GPRIN3: variants seen among roughly 807,000 people sequenced by gnomAD.
GPRIN3 encodes GPRIN family member 3.
In GPRIN3, 12 loss-of-function variants were observed where a neutral mutation model predicts 13.7. The observed-to-expected ratio is 0.87, with a 90% CI of 0.56 to 1.42. The LOEUF (loss-of-function observed/expected upper bound fraction) is 1.42. GPRIN3 is among the 40% of genes most tolerant of loss of function. The probability of loss-of-function intolerance (pLI) is 0.00; values close to 1 mark genes in which losing one functional copy is unlikely to be tolerated. For missense variants in GPRIN3, 1,009 were observed against 958.7 expected (o/e 1.05, Z -0.69); for synonymous variants, 377 against 372.7 (o/e 1.01, Z -0.13).
At chr4:89,266,166 GAATTT>G (rs1723774138) in intron 1 of GPRIN3, among the ~76,000 whole-genome samples, 1 of 152,162 alleles carries the variant, frequency 6.6e-6, no homozygotes, top group Admixed American at 6.5e-5. Flanking sequence ...CCTTGGAATT[GAATTT>G]AAGATAGTAA....
chr4:89,270,929 A>C (rs1300437928), intron 1 of GPRIN3, among the ~76,000 whole-genome samples: 1 of 152,156 alleles, frequency 6.6e-6, no homozygotes, highest in Non-Finnish European at 1.5e-5. Context: ...AAGAGAAGAC[A>C]AACATTTCAT....
In GPRIN3 at chr4:89,242,657, C is replaced by T. The variant is rs907878026; in HGVS notation, c.*5123G>A. ...TGGGTTACAGTCAGTCTTCATAAAG[C>T]AAACCATCATTATATAATGGTGTGC... On this transcript the variant is annotated 3_prime_UTR_variant, in exon 2 of 2. Coordinates refer to ENST00000609438, the MANE Select transcript of GPRIN3 (RefSeq NM_198281.3). The T allele has an allele frequency of 2.0e-5, 3 of 152,208 alleles. No homozygotes were observed. The highest frequency in any genetic ancestry group is 7.2e-5 in the African/African-American group (3 of 41,464). The allele number at this position is 152,208 out of a possible 1,614,324, so 9.4% of individuals were successfully genotyped here.
intron 1 of GPRIN3, among the ~76,000 whole-genome samples, chr4:89,275,323 A>G (rs1012150370): frequency 1.3e-5 from 2 of 152,118 alleles, no homozygotes; most frequent in African/African-American, 4.8e-5. Context: ...CTGCGTATCT[A>G]ATTTGAAATT....
At chr4:89,271,535 T>C (rs981510099) in intron 1 of GPRIN3, among the ~76,000 whole-genome samples, 8 of 152,144 alleles carry the variant, frequency 5.3e-5, no homozygotes, top group African/African-American at 1.9e-4. Flanking sequence ...ACAATGTAAA[T>C]GCTATGTAAA....
intron 1 of GPRIN3, among the ~76,000 whole-genome samples, chr4:89,293,697 A>C (rs980869494): frequency 6.6e-6 from 1 of 152,220 alleles, no homozygotes; most frequent in Non-Finnish European, 1.5e-5. Flanking sequence ...GCTCTACTTC[A>C]AATCTAGGTT....
chr4:89,287,930 C>T (rs893231698), intron 1 of GPRIN3, among the ~76,000 whole-genome samples: 1 of 152,166 alleles, frequency 6.6e-6, no homozygotes, highest in Non-Finnish European at 1.5e-5. Flanking sequence ...AGAAAATTTG[C>T]ACTAGTTTCA....
chr4:89,270,577 A>ATATATG (rs1553951341), intron 1 of GPRIN3, among the ~76,000 whole-genome samples: 1 of 99,168 alleles, frequency 1.0e-5, no homozygotes, highest in African/African-American at 6.0e-5. Context: ...ATATATATAT[A>ATATATG]TATATATATA....
rs112502961 is a variant in GPRIN3, at chr4:89,261,881, G to C, written c.-123-11648C>G. ...ATTCTAGGACTTCGGGAGGCTGTAG[G>C]GGGGTGGATAGCCTGAGCTTAGGAG... On this transcript the variant is annotated intron_variant, in intron 1 of 1. Coordinates refer to ENST00000609438, the MANE Select transcript of GPRIN3 (RefSeq NM_198281.3). 9.6e-3 allele frequency among the ~76,000 whole-genome samples: 1,464 copies of C among 152,160 alleles called. 33 individuals are homozygous for C. The highest frequency in any genetic ancestry group is 0.034 in the African/African-American group (1,395 of 41,482).
At chr4:89,262,301 A>G (rs1399464450) in intron 1 of GPRIN3, among the ~76,000 whole-genome samples, 1 of 152,150 alleles carries the variant, frequency 6.6e-6, no homozygotes, top group Non-Finnish European at 1.5e-5. Flanking sequence ...CTTTGCTTGT[A>G]GACATATAAA....
At chr4:89,272,444 G>A (rs554597541) in intron 1 of GPRIN3, among the ~76,000 whole-genome samples, 16 of 152,252 alleles carry the variant, frequency 1.1e-4, no homozygotes, top group African/African-American at 3.9e-4. Context: ...TGGCAATCAC[G>A]ATTATCACTG....
At chr4:89,288,630 A>G (rs751269530) in intron 1 of GPRIN3, among the ~76,000 whole-genome samples, 1 of 152,196 alleles carries the variant, frequency 6.6e-6, no homozygotes, top group Non-Finnish European at 1.5e-5. Context: ...CAGAAAAACA[A>G]TATGCTCTTG....
chr4:89,249,039 G>T lies in GPRIN3; in HGVS notation c.1072C>A (p.Leu358Met). 1 of 1,614,188 alleles carries T rather than the reference G, an allele frequency of 6.2e-7. No homozygotes were observed. The highest frequency in any genetic ancestry group is 8.5e-7 in the Non-Finnish European group (1 of 1,180,030). Residue 358 changes from leucine (L) to methionine (M), a missense_variant, in exon 2 of 2, where the codon CTG becomes ATG. Coordinates refer to ENST00000609438, the MANE Select transcript of GPRIN3 (RefSeq NM_198281.3). ...RAPEHFEQEQLRVICHSSGSH... is the reference protein window; with the variant it reads ...RAPEHFEQEQMRVICHSSGSH... ...CCACTGCTGTGGCAAATGACACGCA[G>T]CTGCTCTTGTTCAAAATGCTCAGGA...
chr4:89,242,962 T>C lies in GPRIN3; in HGVS notation c.*4818A>G, dbSNP rs1433739654. ...ATTGTTTGTTGCTGCTATCTACACA[T>C]ATATACAGATGCACTGGATTTATTT... On this transcript the variant is annotated 3_prime_UTR_variant, in exon 2 of 2. Transcript: ENST00000609438. The C allele has an allele frequency of 6.6e-6, 1 of 152,208 alleles. No homozygotes were observed. Among genetic ancestry groups the C allele is most frequent in the Non-Finnish European group, 1.5e-5 (1 of 68,034 alleles). The allele number at this position is 152,208 out of a possible 1,614,324, so 9.4% of individuals were successfully genotyped here.
intron 1 of GPRIN3, among the ~76,000 whole-genome samples, chr4:89,282,739 A>G (rs1057055924): frequency 1.3e-5 from 2 of 152,122 alleles, no homozygotes; most frequent in Non-Finnish European, 2.9e-5. Context: ...ATCACTTGTC[A>G]GAAGTATGGG....
At chr4:89,279,253 C>T (rs1724177327) in intron 1 of GPRIN3, among the ~76,000 whole-genome samples, 3 of 152,142 alleles carry the variant, frequency 2.0e-5, no homozygotes, top group Admixed American at 2.0e-4. Context: ...AATTGCTCAA[C>T]TGCCTTTAAA....
intron 1 of GPRIN3, among the ~76,000 whole-genome samples, chr4:89,297,909 TG>T (rs1296742011): frequency 6.6e-6 from 1 of 152,174 alleles, no homozygotes; most frequent in Non-Finnish European, 1.5e-5. Flanking sequence ...AATACACTTG[TG>T]TATCACAAAC....
chr4:89,250,867 A>T (rs2149257289), intron 1 of GPRIN3: 1 of 152,282 alleles, frequency 6.6e-6, no homozygotes, highest in South Asian at 2.1e-4. Flanking sequence ...TAAATAAATA[A>T]AATCATATAA....
At chr4:89,274,459 A>T (rs1724041391) in intron 1 of GPRIN3, among the ~76,000 whole-genome samples, 1 of 152,144 alleles carries the variant, frequency 6.6e-6, no homozygotes, top group South Asian at 2.1e-4. Context: ...GTACTAAAAG[A>T]TACTTGCCTT....
At position 89,270,565 on chromosome 4, in the gene GPRIN3, TTATATATATATA is replaced by T. The variant is rs1199230242; in HGVS notation, c.-123-20344_-123-20333del. Among the ~76,000 whole-genome samples the T allele has an allele frequency of 1.1e-3, 89 of 82,350 alleles. 1 individual carries two copies. In the South Asian group the frequency reaches 0.016, roughly 15 times the overall value. 54.0% of individuals were successfully genotyped at this position (82,350 alleles called of 152,430 possible). A position where few individuals can be genotyped will look rare whatever the true frequency, so the allele number is the denominator to read the frequency against. On this transcript the variant is annotated intron_variant, in intron 1 of 1. Transcript: ENST00000609438. ...ATATATATTTATATATGTATATAATTTATATATATATATATATATATATATATATATATATAA... is the reference window on the plus strand; with the variant it reads ...ATATATATTTATATATGTATATAATTTATATATATATATATATATATATAA...
Sources: allele counts gnomAD v4.1 joint callset (sites outside exome capture counted in the v4.1 genomes callset), GRCh38; gene constraint gnomAD v4.1.1; transcripts MANE v1.5; gene names NCBI Gene and HGNC (gene_info 2026-07-23, HGNC 2026-07-21).